Variants in CCZ1B observed in about 807,000 individuals in gnomAD.
The protein encoded by CCZ1B is vacuolar fusion protein CCZ1 homolog B.
In CCZ1B, 25 loss-of-function variants were observed where a neutral mutation model predicts 58.8. The observed-to-expected ratio is 0.43, with a 90% CI of 0.31 to 0.59. The LOEUF (loss-of-function observed/expected upper bound fraction) is 0.59. Among genes scored for constraint, CCZ1B ranks in the 20% least tolerant of loss-of-function variants. The pLI is 0.12. For missense variants in CCZ1B, 180 were observed against 501.5 expected, an observed-to-expected ratio of 0.36 and a Z score of 6.12; for synonymous variants, 66 against 173.2, an observed-to-expected ratio of 0.38 and a Z score of 4.86.
intron 8 of CCZ1B, among the ~76,000 whole-genome samples, chr7:6,813,771 G>A (rs1228260940): frequency 1.3e-5 from 2 of 149,594 alleles, no homozygotes; most frequent in East Asian, 1.9e-4. Context: ...TAGGTCTCCT[G>A]TTGATAGAGG....
chr7:6,820,966 C>G (rs1166129903), intron 6 of CCZ1B, among the ~76,000 whole-genome samples: 1 of 148,348 alleles, frequency 6.7e-6, no homozygotes, highest in African/African-American at 2.5e-5. Context: ...TCAAATTAGA[C>G]TAACCTAATG....
At chr7:6,815,318 A>C (rs569956868) in intron 7 of CCZ1B, among the ~76,000 whole-genome samples, 3 of 148,102 alleles carry the variant, frequency 2.0e-5, no homozygotes, top group Non-Finnish European at 4.4e-5. Context: ...GGCATGCGCC[A>C]CCATCAGCTA....
At position 6,805,090 on chromosome 7, in the gene CCZ1B, C is replaced by G. The variant is rs778888399; in HGVS notation, c.989-35G>C. On this transcript the variant is annotated intron_variant, in intron 11 of 14. Coordinates refer to ENST00000316731, the MANE Select transcript of CCZ1B (RefSeq NM_198097.5). ...CATGACAAAAAATACCAGTAAGATTCATTTTACTGTGCGACACTGAACAAC... is the reference window on the plus strand; with the variant it reads ...CATGACAAAAAATACCAGTAAGATTGATTTTACTGTGCGACACTGAACAAC... The G allele has an allele frequency of 6.0e-6, 7 of 1,161,184 alleles. 1 individual carries two copies. The South Asian group carries it at 2.4e-4, about 39-fold the overall frequency. 71.9% of individuals were successfully genotyped at this position (1,161,184 alleles called of 1,614,324 possible).
intron 5 of CCZ1B, among the ~76,000 whole-genome samples, chr7:6,822,768 C>T (rs1490335479): frequency 7.4e-6 from 1 of 134,712 alleles, no homozygotes; most frequent in Non-Finnish European, 1.6e-5. Context: ...GTGGTGCAAT[C>T]ACAGTTCACT....
chr7:6,819,173 T>A (rs1783068645), intron 7 of CCZ1B, among the ~76,000 whole-genome samples: 1 of 142,308 alleles, frequency 7.0e-6, no homozygotes, highest in Non-Finnish European at 1.5e-5. Context: ...TTTTAACATT[T>A]ATCATTTCAG....
intron 9 of CCZ1B, 60 bp downstream of exon 9, chr7:6,812,916 G>C (rs1440063121): frequency 2.6e-6 from 4 of 1,511,178 alleles, no homozygotes; most frequent in Non-Finnish European, 3.6e-6. Flanking sequence ...AACAGAGCCA[G>C]ACTCTGAGTC....
At chr7:6,800,611 G>C (rs1383428325) in intron 14 of CCZ1B, among the ~76,000 whole-genome samples, 1 of 138,244 alleles carries the variant, frequency 7.2e-6, no homozygotes, top group Non-Finnish European at 1.5e-5. Flanking sequence ...GGGGGCTGTG[G>C]TGAGCTATGA....
intron 8 of CCZ1B, among the ~76,000 whole-genome samples, chr7:6,813,358 G>C (rs1268339939): frequency 6.7e-6 from 1 of 149,376 alleles, no homozygotes; most frequent in Admixed American, 6.6e-5. Context: ...GGCCAAGGCA[G>C]GCAGATTACT....
intron 7 of CCZ1B, 69 bp downstream of exon 7, chr7:6,819,697 C>T (rs1783077080): frequency 1.1e-6 from 1 of 888,792 alleles, no homozygotes; most frequent in Non-Finnish European, 1.7e-6. Context: ...AACCTGTCAT[C>T]AATCCAGTCA....
chr7:6,808,373 A>G (rs1273413706), intron 10 of CCZ1B, among the ~76,000 whole-genome samples: 1 of 110,972 alleles, frequency 9.0e-6, no homozygotes, highest in African/African-American at 3.1e-5. Flanking sequence ...CCATCTCAAA[A>G]ACCAAAAAAC....
At chr7:6,821,112 G>A (rs1192352763) in intron 6 of CCZ1B, among the ~76,000 whole-genome samples, 1 of 148,264 alleles carries the variant, frequency 6.7e-6, no homozygotes, top group Non-Finnish European at 1.5e-5. Context: ...GGGTTCAAGC[G>A]ATTCTCCTGC....
chr7:6,814,682 C>T, intron 8 of CCZ1B, 82 bp downstream of exon 8: 4 of 1,247,792 alleles, frequency 3.2e-6, no homozygotes, highest in South Asian at 2.7e-5. Context: ...ATCAGAAACA[C>T]CCCCATGCAC....
At chr7:6,825,641 CCACACACACACA>C (rs376938545) in intron 1 of CCZ1B, among the ~76,000 whole-genome samples, 1 of 87,292 alleles carries the variant, frequency 1.1e-5, no homozygotes, top group Non-Finnish European at 2.2e-5. Flanking sequence ...CTCAGAAAAA[CCACACACACACA>C]CACACACACA....
rs557948109 is a variant in CCZ1B at position 6,819,444 on chromosome 7, C to T, written c.698+322G>A. Among the ~76,000 whole-genome samples, 38 of 148,824 alleles carry T rather than the reference C, an allele frequency of 2.6e-4. No individual in the cohort carries two copies. In the East Asian group the frequency reaches 7.2e-3, roughly 28 times the overall value. ...AGAGACAGGGTTTCACTATGTTGAC[C>T]AGGCTGGTCTCCAACTCCTGACCTC... On this transcript the variant is annotated intron_variant, in intron 7 of 14. Coordinates refer to ENST00000316731, the MANE Select transcript of CCZ1B (RefSeq NM_198097.5).
chr7:6,817,035 A>G (rs1418774703), intron 7 of CCZ1B, among the ~76,000 whole-genome samples: 2 of 152,304 alleles, frequency 1.3e-5, no homozygotes, highest in Non-Finnish European at 2.9e-5. Flanking sequence ...AAGTGCTGGG[A>G]TGACAGGTGT....
At chr7:6,817,694 T>TG (rs765173714) in intron 7 of CCZ1B, among the ~76,000 whole-genome samples, 1 of 149,882 alleles carries the variant, frequency 6.7e-6, no homozygotes, top group Non-Finnish European at 1.5e-5. Context: ...AGCGTAAGGT[T>TG]GCCTGATAAA....
intron 7 of CCZ1B, among the ~76,000 whole-genome samples, chr7:6,816,120 C>T (rs1331489286): frequency 2.7e-5 from 4 of 147,446 alleles, no homozygotes; most frequent in Admixed American, 6.8e-5. Context: ...ACTCTGGAAC[C>T]GGTTTTTTAA....
At chr7:6,800,059 TGTA>T (rs1316547621) in intron 14 of CCZ1B, among the ~76,000 whole-genome samples, 2 of 93,296 alleles carry the variant, frequency 2.1e-5, no homozygotes, top group Non-Finnish European at 4.2e-5. Flanking sequence ...AAGAGAAAAA[TGTA>T]GTATGCCCAA....
At chr7:6,823,701 TAG>T (rs2045025977) in intron 4 of CCZ1B, among the ~76,000 whole-genome samples, 2 of 152,228 alleles carry the variant, frequency 1.3e-5, no homozygotes, top group Non-Finnish European at 2.9e-5. Flanking sequence ...GTAGTTTTAG[TAG>T]AGACAGGGTT....
Sources: gnomAD v4.1 joint callset for allele counts (sites outside exome capture counted in the v4.1 genomes callset) on GRCh38, gnomAD v4.1.1 for gene constraint, MANE v1.5 for transcripts, NCBI Gene and HGNC (gene_info 2026-07-23, HGNC 2026-07-21) for gene names.